The following TBX5 variants were observed in gnomAD, a reference collection of about 807,000 sequenced individuals.
The protein encoded by TBX5 is T-box transcription factor 5, also known as T-box transcription factor TBX5.
A neutral mutation model predicts 51.1 loss-of-function variants in TBX5; 8 were observed. That is an observed-to-expected ratio of 0.16 (90% CI 0.09 to 0.28). The LOEUF is 0.28. TBX5 is among the 10% of genes least tolerant of loss of function. TBX5 has a pLI of 1.00. For synonymous variants in TBX5, 302 were observed against 266.4 expected, an observed-to-expected ratio of 1.13 and a Z score of -1.30; for missense variants, 589 against 671.7, an observed-to-expected ratio of 0.88 and a Z score of 1.36.
chr12:114,399,485 C>A, intron 4 of TBX5, 28 bp downstream of exon 4: 1 of 1,613,998 alleles, frequency 6.2e-7, no homozygotes, highest in Non-Finnish European at 8.5e-7. Flanking sequence ...TTCTCTCTCC[C>A]CGCTCCACCT....
At chr12:114,361,056 C>T (rs963576678) in intron 8 of TBX5, among the ~76,000 whole-genome samples, 2 of 152,150 alleles carry the variant, frequency 1.3e-5, no homozygotes, top group Admixed American at 1.3e-4. Context: ...AAGCACCTAG[C>T]ACAGTGTCCA....
chr12:114,405,401 G>C (rs1296175475), intron 1 of TBX5, among the ~76,000 whole-genome samples: 1 of 152,164 alleles, frequency 6.6e-6, no homozygotes, highest in East Asian at 1.9e-4. Context: ...AACAAGATGC[G>C]GTTTGACAGA....
intron 7 of TBX5, among the ~76,000 whole-genome samples, chr12:114,384,274 T>C (rs1247557980): frequency 5.6e-3 from 1 of 178 alleles, no homozygotes; most frequent in Non-Finnish European, 0.1. Context: ...CATTCTCTTG[T>C]TTTTTTTTTT....
chr12:114,365,946 T>C (rs1869504832), intron 8 of TBX5: 1 of 637,530 alleles, frequency 1.6e-6, no homozygotes, highest in African/African-American at 1.8e-5. Flanking sequence ...AAATAAGCTT[T>C]CTCCAAAGGA....
intron 4 of TBX5, 22 bp from the exon 5 acceptor site, chr12:114,398,742 TAGAGGCCTGGCTC>T (rs1193321149): frequency 6.3e-7 from 1 of 1,589,574 alleles, no homozygotes; most frequent in East Asian, 2.3e-5. Context: ...AGAGGTGTAC[TAGAGGCCTGGCTC>T]AGAGTCTGGA....
intron 6 of TBX5, among the ~76,000 whole-genome samples, chr12:114,392,325 C>T (rs1871199834): frequency 6.6e-6 from 1 of 152,026 alleles, no homozygotes; most frequent in Non-Finnish European, 1.5e-5. Flanking sequence ...CAAATGGCTG[C>T]AGTGACAGTT....
upstream of TBX5, chr12:114,407,829 C>T: frequency 1.0e-6 from 1 of 985,426 alleles, no homozygotes; most frequent in Non-Finnish European, 1.2e-6. Context: ...ACTATCCCAC[C>T]TCTTCTTTGG....
Position 114,366,320 on chromosome 12 carries a change from C to A in TBX5, c.827G>T (p.Ser276Ile). ...TGAGGTGGAGAGAGCTCGAGACTCG[C>A]TGCTGAAAGGACTGTGGTTGGAGGC... ...KVASNHSPFSSESRALSTSSN... is the reference protein window; with the variant it reads ...KVASNHSPFSIESRALSTSSN... The change falls in exon 8 of 9, where the codon AGC (serine) becomes ATC (isoleucine). Residue 276 changes from serine (S) to isoleucine (I), a missense_variant. Physicochemically the swap from Ser to Ile is moderately radical, Grantham distance 142. Coordinates refer to ENST00000405440, the MANE Select transcript of TBX5 (RefSeq NM_181486.4). The A allele has an allele frequency of 6.2e-7, 1 of 1,614,050 alleles. No homozygotes were observed.
At chr12:114,365,468 A>G (rs1869466660) in intron 8 of TBX5, among the ~76,000 whole-genome samples, 1 of 152,102 alleles carries the variant, frequency 6.6e-6, no homozygotes, top group Non-Finnish European at 1.5e-5. Flanking sequence ...ACACATTCTA[A>G]AGTTTAAAAG....
chr12:114,407,785 C>T, upstream of TBX5: 7 of 985,386 alleles, frequency 7.1e-6, no homozygotes, highest in Non-Finnish European at 8.4e-6. Context: ...AACCTATTTC[C>T]CCCCTCAGTC....
chr12:114,376,157 A>G (rs1870172769), intron 7 of TBX5, among the ~76,000 whole-genome samples: 2 of 152,164 alleles, frequency 1.3e-5, no homozygotes, highest in Non-Finnish European at 2.9e-5. Flanking sequence ...AGTATCTTAA[A>G]GAGATATCTA....
chr12:114,404,203 G>T (rs560810927), intron 1 of TBX5, among the ~76,000 whole-genome samples: 6 of 152,104 alleles, frequency 3.9e-5, no homozygotes, highest in South Asian at 2.1e-4. Context: ...GGTGAGGCCC[G>T]CATCTCCCCT....
chr12:114,394,593 C>A, intron 6 of TBX5, 148 bp downstream of exon 6: 1 of 1,035,212 alleles, frequency 9.7e-7, no homozygotes, highest in Non-Finnish European at 1.5e-6. Flanking sequence ...TCTTAGGCTG[C>A]AGCTTTGTCC....
intron 1 of TBX5, among the ~76,000 whole-genome samples, chr12:114,404,171 G>T (rs1474839846): frequency 6.6e-6 from 1 of 152,100 alleles, no homozygotes; most frequent in Non-Finnish European, 1.5e-5. Flanking sequence ...TCTTGCAAAA[G>T]ACCCGCGTCA....
chr12:114,367,132 T>C (rs927349789), intron 7 of TBX5, among the ~76,000 whole-genome samples: 1 of 151,432 alleles, frequency 6.6e-6, no homozygotes, highest in African/African-American at 2.4e-5. Context: ...GTCATTACTG[T>C]TATTGTTTTG....
At chr12:114,356,258 T>A in intron 8 of TBX5, 152 bp from the exon 9 acceptor site, 1 of 794,920 alleles carries the variant, frequency 1.3e-6, no homozygotes, top group Non-Finnish European at 2.1e-6. Flanking sequence ...GGGGTTGGAT[T>A]GTAATGGTTA....
At chr12:114,406,524 C>A (rs1334556558), upstream of TBX5, among the ~76,000 whole-genome samples, 1 of 152,136 alleles carries the variant, frequency 6.6e-6, no homozygotes, top group African/African-American at 2.4e-5. Context: ...ACGCTGACCT[C>A]GAGAAGGAGA....
At position 114,356,487 on chromosome 12, in the gene TBX5, C is replaced by T. The variant is rs369412582; in HGVS notation, c.983-381G>A. On this transcript the variant is annotated intron_variant, in intron 8 of 8. Transcript: ENST00000405440. ...GTGCACGCCTATAGTTCCAGCTGCTCGGGAGGCCAAGGAAAAAGGATCACT... is the reference window on the plus strand; with the variant it reads ...GTGCACGCCTATAGTTCCAGCTGCTTGGGAGGCCAAGGAAAAAGGATCACT... Among the ~76,000 whole-genome samples the T allele has an allele frequency of 4.6e-5, 7 of 152,150 alleles. No individual in the cohort carries two copies. The East Asian group carries it at 9.7e-4, about 21-fold the overall frequency.
intron 7 of TBX5, 33 bp downstream of exon 7, chr12:114,385,443 G>T (rs1187407120): frequency 6.3e-7 from 1 of 1,596,330 alleles, no homozygotes. Flanking sequence ...GGGGTATGTG[G>T]GGAGGAGAAA....
Sources: gnomAD v4.1 joint callset for allele counts (sites outside exome capture counted in the v4.1 genomes callset) on GRCh38, gnomAD v4.1.1 for gene constraint, MANE v1.5 for transcripts, NCBI Gene and HGNC (gene_info 2026-07-23, HGNC 2026-07-21) for gene names.